Variants in ALDH9A1 observed in about 807,000 individuals in gnomAD.
ALDH9A1 encodes aldehyde dehydrogenase 9 family member A1, also known as 4-trimethylaminobutyraldehyde dehydrogenase.
Under a neutral mutation model 56.6 loss-of-function variants are expected in ALDH9A1, and 42 were observed. That is an observed-to-expected ratio of 0.74 (90% CI 0.58 to 0.96). The LOEUF (loss-of-function observed/expected upper bound fraction) is 0.96. ALDH9A1 is among the 40% of genes least tolerant of loss of function. The pLI is 0.00. For missense variants in ALDH9A1, 661 were observed against 651.5 expected, an observed-to-expected ratio of 1.01 and a Z score of -0.16; for synonymous variants, 242 against 236.0, an observed-to-expected ratio of 1.03 and a Z score of -0.23.
chr1:165,664,048 T>C (rs1172274746), intron 10 of ALDH9A1, among the ~76,000 whole-genome samples: 1 of 152,218 alleles, frequency 6.6e-6, no homozygotes, highest in African/African-American at 2.4e-5. Flanking sequence ...AAACTTAACA[T>C]GTAATGTTAT....
At chr1:165,680,451 G>A (rs760967937) in intron 5 of ALDH9A1, 36 bp downstream of exon 5, 2 of 1,602,068 alleles carry the variant, frequency 1.2e-6, no homozygotes, top group South Asian at 2.2e-5. Context: ...ACATCCAAAT[G>A]CCATGTGTGT....
intron 2 of ALDH9A1, among the ~76,000 whole-genome samples, chr1:165,693,381 A>C (rs1417919962): frequency 6.6e-6 from 1 of 152,206 alleles, no homozygotes; most frequent in Admixed American, 6.5e-5. Context: ...AAAAACAAAC[A>C]ACCCCATCAA....
At chr1:165,663,637 C>T (rs1648910867) in intron 10 of ALDH9A1, among the ~76,000 whole-genome samples, 2 of 152,252 alleles carry the variant, frequency 1.3e-5, no homozygotes, top group Admixed American at 1.3e-4. Context: ...GTTCAAGACA[C>T]TGCCCAATTA....
rs768912499 is a variant in ALDH9A1, at chr1:165,665,056, C to T, written c.1424G>A (p.Ser475Asn). ...GTCFINNYNVSPVELPFGGYK... is the reference protein window; with the variant it reads ...GTCFINNYNVNPVELPFGGYK... ...TCCACCAAAGGGCAACTCCACTGGG[C>T]TGACGTTATAGTTGTTAATGAAGCA... Residue 475 changes from serine to asparagine, a missense_variant, in exon 10 of 11, where the codon AGC (serine) becomes AAC (asparagine). Transcript: ENST00000354775. 2.5e-6 allele frequency: 4 copies of T among 1,613,868 alleles called. No homozygotes were observed. Among genetic ancestry groups the T allele is most frequent in the African/African-American group, 1.3e-5 (1 of 74,890 alleles).
chr1:165,693,775 T>C lies in ALDH9A1; in HGVS notation c.327+1477A>G, dbSNP rs140188802. 6.9e-3 allele frequency among the ~76,000 whole-genome samples: 1,049 copies of C among 152,284 alleles called. 12 individuals are homozygous for C. Among genetic ancestry groups the C allele is most frequent in the African/African-American group, 0.023 (944 of 41,568 alleles). The stretch of plus-strand genomic sequence containing the variant: ...AAAGACACATGCACACGTATGTTTA[T>C]TGCAGCACTATTCACAAGAGCAAAG... On this transcript the variant is annotated intron_variant, in intron 2 of 10. Transcript: ENST00000354775.
intron 10 of ALDH9A1, 110 bp from the exon 11 acceptor site, chr1:165,663,254 C>T: frequency 3.4e-6 from 3 of 888,284 alleles, no homozygotes; most frequent in East Asian, 2.5e-5. Flanking sequence ...GAATATAGAA[C>T]CTAAATGTTT....
At chr1:165,677,918 A>G (rs1393857634) in intron 6 of ALDH9A1, among the ~76,000 whole-genome samples, 2 of 151,370 alleles carry the variant, frequency 1.3e-5, no homozygotes, top group African/African-American at 4.9e-5. Context: ...AGTCCCAGCT[A>G]TTTGGGAGGC....
chr1:165,696,619 C>T (rs190467241), intron 1 of ALDH9A1, among the ~76,000 whole-genome samples: 4 of 152,202 alleles, frequency 2.6e-5, no homozygotes, highest in Non-Finnish European at 5.9e-5. Context: ...ATTCCCTCTC[C>T]CTATTCTGGT....
At chr1:165,694,353 A>AAC (rs1649994804) in intron 2 of ALDH9A1, among the ~76,000 whole-genome samples, 2 of 152,178 alleles carry the variant, frequency 1.3e-5, no homozygotes, top group Non-Finnish European at 2.9e-5. Context: ...TCCGTGTGTT[A>AAC]GGCCAGCGTG....
chr1:165,693,095 C>A (rs951649201), intron 2 of ALDH9A1, among the ~76,000 whole-genome samples: 2 of 151,980 alleles, frequency 1.3e-5, no homozygotes, highest in African/African-American at 2.4e-5. Context: ...AATGTTAGAC[C>A]TAAAACCATA....
chr1:165,697,792 G>A (rs1650138086), intron 1 of ALDH9A1, among the ~76,000 whole-genome samples: 1 of 152,192 alleles, frequency 6.6e-6, no homozygotes, highest in Non-Finnish European at 1.5e-5. Context: ...ACTTTGGGAG[G>A]CTGAGGCGGG....
At chr1:165,698,309 G>C (rs1650161457) in intron 1 of ALDH9A1, 69 bp downstream of exon 1, 3 of 1,531,488 alleles carry the variant, frequency 2.0e-6, no homozygotes, top group Non-Finnish European at 2.6e-6. Flanking sequence ...CACAGGAAAC[G>C]GGGGCTGGCC....
rs1649101045 is a variant in ALDH9A1, at chr1:165,669,272, G to C, written c.1109C>G (p.Ala370Gly). ...CCAATTATTTCTTACCTGCTCCTTT[G>C]CCACTTTGACAAACCCAAGGACTCG... ...LERVLGFVKVAKEQGAKVLCG... is the reference protein window; with the variant it reads ...LERVLGFVKVGKEQGAKVLCG... Residue 370 changes from alanine to glycine, a missense_variant, in exon 7 of 11, where the codon GCA becomes GGA. By Grantham distance (60) the Ala-to-Gly change is moderately conservative. Transcript: ENST00000354775. 2 of 1,603,146 alleles carry C rather than the reference G, an allele frequency of 1.2e-6. No individual in the cohort carries two copies. The highest frequency in any genetic ancestry group is 2.7e-5 in the African/African-American group (2 of 74,480).
At chr1:165,698,257 T>C (rs1650159600) in intron 1 of ALDH9A1, 121 bp downstream of exon 1, 1 of 1,446,884 alleles carries the variant, frequency 6.9e-7, no homozygotes, top group African/African-American at 1.5e-5. Flanking sequence ...AACCTTAGAC[T>C]CTCCACTGTC....
Position 165,683,012 on chromosome 1 carries a change from C to T in ALDH9A1, c.426G>A (p.Glu142=), listed in dbSNP as rs773756068. 4.3e-6 allele frequency: 7 copies of T among 1,613,956 alleles called. No homozygotes were observed. Among genetic ancestry groups the T allele is most frequent in the Non-Finnish European group, 5.9e-6 (7 of 1,179,994 alleles). The change falls in exon 3 of 11, where the codon GAG becomes GAA. Residue 142 remains glutamate, a synonymous_variant. Coordinates refer to ENST00000354775, the MANE Select transcript of ALDH9A1 (RefSeq NM_000696.4). Reference sequence around the variant, plus strand: ...TGGATGCAGCCAAGCCCGCATAATACTCCAGGCACTGCCAGGAAATGTCAA... The same window carrying T: ...TGGATGCAGCCAAGCCCGCATAATATTCCAGGCACTGCCAGGAAATGTCAA... ...LDIDISWQCL[E]YYAGLAASMA... is the part of the protein sequence containing the mutation.
chr1:165,671,495 A>G (rs1283943507), intron 6 of ALDH9A1: 5 of 451,740 alleles, frequency 1.1e-5, no homozygotes, highest in African/African-American at 2.0e-5. Flanking sequence ...AAATCTTAAG[A>G]ATTCTTAAGT....
intron 1 of ALDH9A1, among the ~76,000 whole-genome samples, chr1:165,697,101 AAACAC>A (rs1650113622): frequency 6.6e-6 from 1 of 152,258 alleles, no homozygotes; most frequent in Non-Finnish European, 1.5e-5. Context: ...CCAGCAAAAT[AAACAC>A]AACACAAAAC....
Position 165,665,114 on chromosome 1 carries a change from G to A in ALDH9A1, c.1366C>T (p.His456Tyr), listed in dbSNP as rs1648967071. 3 of 1,613,588 alleles carry A rather than the reference G, an allele frequency of 1.9e-6. No individual in the cohort carries two copies. The highest frequency in any genetic ancestry group is 2.5e-6 in the Non-Finnish European group (3 of 1,179,820). Residue 456 changes from histidine to tyrosine, a missense_variant, in exon 10 of 11, where the codon CAT (histidine) becomes TAT (tyrosine). Coordinates refer to ENST00000354775, the MANE Select transcript of ALDH9A1 (RefSeq NM_000696.4). ...GCCTGAAGCTCAGCTACCACTCTAT[G>A]AGCCCGTTGGATGTCCCTATGAAGA... ...GVFTRDIQRA[H>Y]RVVAELQAGT...
intron 2 of ALDH9A1, among the ~76,000 whole-genome samples, chr1:165,688,318 AAAAAC>A (rs1649777032): frequency 6.6e-6 from 1 of 152,222 alleles, no homozygotes; most frequent in African/African-American, 2.4e-5. Context: ...CCTTGTCTCA[AAAAAC>A]AAAACAAAAC....
Sources: gnomAD v4.1 joint callset for allele counts (sites outside exome capture counted in the v4.1 genomes callset) on GRCh38, gnomAD v4.1.1 for gene constraint, MANE v1.5 for transcripts, NCBI Gene and HGNC (gene_info 2026-07-23, HGNC 2026-07-21) for gene names.